The following CLTCL1 variants were observed in gnomAD, a reference collection of about 807,000 sequenced individuals.
CLTCL1 encodes clathrin heavy chain like 1, also known as clathrin heavy chain 2.
In CLTCL1, 159 loss-of-function variants were observed where a neutral mutation model predicts 190.0. That is an observed-to-expected ratio of 0.84 (90% confidence interval 0.74 to 0.95). The LOEUF (loss-of-function observed/expected upper bound fraction) is 0.95, where lower values mean the gene tolerates loss of function less well. Ranked by LOEUF, CLTCL1 falls within the 40% of genes least tolerant of loss-of-function variation. CLTCL1 has a pLI of 0.00. For synonymous variants in CLTCL1, 752 were observed against 769.6 expected, an observed-to-expected ratio of 0.98 and a Z score of 0.38; for missense variants, 1,878 against 2,033.4, an observed-to-expected ratio of 0.92 and a Z score of 1.47.
Position 19,208,178 on chromosome 22 carries a change from T to C in CLTCL1, c.3576A>G (p.Gly1192=). The change falls in exon 22 of 33, where the codon GGA becomes GGG. Residue 1192 remains glycine (G), a synonymous_variant. Coordinates refer to ENST00000427926, the MANE Select transcript of CLTCL1 (RefSeq NM_007098.4). ...CCTGCTGGATGTGGGCATTGTTGGGTCCATTAATAAAATCTTCTAGCTCAG... is the reference window on the plus strand; with the variant it reads ...CCTGCTGGATGTGGGCATTGTTGGGCCCATTAATAAAATCTTCTAGCTCAG... ...RVSELEDFIN[G]PNNAHIQQVG... The C allele has an allele frequency of 6.2e-7, 1 of 1,613,792 alleles. No homozygotes were observed. The highest frequency in any genetic ancestry group is 1.1e-5 in the South Asian group (1 of 91,066).
At chr22:19,196,943 G>C (rs2084730402) in intron 24 of CLTCL1, among the ~76,000 whole-genome samples, 1 of 152,130 alleles carries the variant, frequency 6.6e-6, no homozygotes, top group Non-Finnish European at 1.5e-5. Flanking sequence ...AAAAAAAATA[G>C]GAAGTGGGTG....
At chr22:19,203,517 C>G (rs1372137072) in intron 22 of CLTCL1, among the ~76,000 whole-genome samples, 1 of 152,172 alleles carries the variant, frequency 6.6e-6, no homozygotes, top group Non-Finnish European at 1.5e-5. Context: ...GGTCACTGCT[C>G]CTCCAGACAG....
intron 29 of CLTCL1, among the ~76,000 whole-genome samples, chr22:19,185,039 G>A (rs1390139045): frequency 6.6e-6 from 1 of 152,374 alleles, no homozygotes; most frequent in East Asian, 1.9e-4. Context: ...ACAGTTTTCT[G>A]TTGCTAGCTG....
chr22:19,267,930 G>A (rs1048183411), intron 2 of CLTCL1, among the ~76,000 whole-genome samples: 3 of 151,680 alleles, frequency 2.0e-5, no homozygotes, highest in African/African-American at 7.3e-5. Context: ...AAAACCATAG[G>A]CTAAGCACTC....
intron 6 of CLTCL1, 86 bp downstream of exon 6, chr22:19,235,610 G>T: frequency 7.7e-7 from 1 of 1,306,132 alleles, no homozygotes; most frequent in Non-Finnish European, 1.1e-6. Flanking sequence ...GCTACACCCA[G>T]CTGCTTTCCT....
chr22:19,213,984 C>T (rs551396975), intron 19 of CLTCL1, among the ~76,000 whole-genome samples: 3 of 152,254 alleles, frequency 2.0e-5, no homozygotes, highest in East Asian at 3.9e-4. Flanking sequence ...AAGGGTCATC[C>T]ATGTACAGTG....
At position 19,196,216 on chromosome 22, in the gene CLTCL1, T is replaced by G. The variant is rs782318173; in HGVS notation, c.4191+50A>C. 5 of 1,584,142 alleles carry G rather than the reference T, an allele frequency of 3.2e-6. No homozygotes were observed. In the East Asian group the frequency reaches 1.1e-4, roughly 36 times the overall value. On this transcript the variant is annotated intron_variant, in intron 26 of 32. Coordinates refer to ENST00000427926, the MANE Select transcript of CLTCL1 (RefSeq NM_007098.4). Reference sequence around the variant, plus strand: ...CCTGCCCATTCCCCTGCACCCAGAATAGGGCCTGGCAGAGGCTGGCAGGAG... The same window carrying G: ...CCTGCCCATTCCCCTGCACCCAGAAGAGGGCCTGGCAGAGGCTGGCAGGAG...
In CLTCL1 at chr22:19,222,814, G is replaced by T; in HGVS notation, c.2293-5C>A. 6.3e-7 allele frequency: 1 copy of T among 1,591,892 alleles called. No individual in the cohort carries two copies. The highest frequency in any genetic ancestry group is 8.6e-7 in the Non-Finnish European group (1 of 1,169,318). On this transcript the variant is annotated splice_polypyrimidine_tract_variant and splice_region_variant and intron_variant, in intron 14 of 32. Coordinates refer to ENST00000427926, the MANE Select transcript of CLTCL1 (RefSeq NM_007098.4). ...CTGGTCTGTGAGCTTGGCCTCCTGAGGATTAGAATGCACAGAACAAGTCAG... is the reference window on the plus strand; with the variant it reads ...CTGGTCTGTGAGCTTGGCCTCCTGATGATTAGAATGCACAGAACAAGTCAG...
Position 19,199,723 on chromosome 22 carries a change from C to G in CLTCL1, c.3873+11G>C, listed in dbSNP as rs370831447. The G allele has an allele frequency of 4.5e-6, 7 of 1,565,860 alleles. No homozygotes were observed. The highest frequency in any genetic ancestry group is 6.1e-6 in the Non-Finnish European group (7 of 1,153,210). ...TGTCATCTGCATTACCAGCAGAGATCATCTGGTCACCTGGTAATAGCACAT... is the reference window on the plus strand; with the variant it reads ...TGTCATCTGCATTACCAGCAGAGATGATCTGGTCACCTGGTAATAGCACAT... On this transcript the variant is annotated intron_variant, in intron 24 of 32. Transcript: ENST00000427926.
intron 5 of CLTCL1, 58 bp downstream of exon 5, chr22:19,239,217 G>A: frequency 7.5e-7 from 1 of 1,329,138 alleles, no homozygotes; most frequent in Non-Finnish European, 1.1e-6. Context: ...CTGTATCTTG[G>A]GAGGTGCTAG....
Position 19,198,225 on chromosome 22 carries a change from G to A in CLTCL1, c.3873+1509C>T, listed in dbSNP as rs723414. On this transcript the variant is annotated intron_variant, in intron 24 of 32. Coordinates refer to ENST00000427926, the MANE Select transcript of CLTCL1 (RefSeq NM_007098.4). The surrounding 1 kb of genome is among the most constrained non-coding windows in gnomAD (Gnocchi z 4.1). ...ATCAGTGCATTAGCATATCAAGGTG[G>A]CTGCTCATTCAAAGCACACACCCAA... Among the ~76,000 whole-genome samples, 98,990 of 151,988 alleles carry A rather than the reference G, an allele frequency of 0.65. 33,018 individuals are homozygous for A. Among genetic ancestry groups the A allele is most frequent in the East Asian group, 0.82 (4,257 of 5,174 alleles).
chr22:19,187,958 A>T (rs782285359), intron 28 of CLTCL1, 23 bp downstream of exon 28: 45 of 1,593,364 alleles, frequency 2.8e-5, no homozygotes, highest in Admixed American at 8.4e-5. Context: ...CACCCAGGAC[A>T]GGGCTCCTTC....
Position 19,239,331 on chromosome 22 carries a change from C to T in CLTCL1, c.739G>A (p.Ala247Thr), listed in dbSNP as rs1362611280. 1.2e-6 allele frequency: 2 copies of T among 1,613,922 alleles called. No individual in the cohort carries two copies. The highest frequency in any genetic ancestry group is 1.7e-6 in the Non-Finnish European group (2 of 1,179,908). The change falls in exon 5 of 33, where the codon GCA (alanine) becomes ACA (threonine). Residue 247 changes from alanine (A) to threonine (T), a missense_variant. Transcript: ENST00000427926. ...TCTGGAGGAAAAAACACATCTACTG[C>T]TTTCTTTACAAAAGGTTGGTTTCCC... ...AAGNQPFVKK[A>T]VDVFFPPEAQ...
chr22:19,234,664 C>A lies in CLTCL1; in HGVS notation c.1012G>T (p.Ala338Ser). The change falls in exon 7 of 33, where the codon GCA (alanine) becomes TCA (serine). Residue 338 changes from alanine (A) to serine (S), a missense_variant. Ala to Ser is a moderately conservative substitution (Grantham distance 99). Coordinates refer to ENST00000427926, the MANE Select transcript of CLTCL1 (RefSeq NM_007098.4). ...TCTGGATTCTGAAGCACGTTGGTTG[C>A]ATAATTCACAATGTTATCTTCCTCA... ...CVEEDNIVNY[A>S]TNVLQNPDLG... 1 of 1,614,012 alleles carries A rather than the reference C, an allele frequency of 6.2e-7. No homozygotes were observed. The highest frequency in any genetic ancestry group is 1.1e-5 in the South Asian group (1 of 91,088).
intron 29 of CLTCL1, among the ~76,000 whole-genome samples, chr22:19,186,826 C>T (rs1228166079): frequency 1.3e-5 from 2 of 152,186 alleles, no homozygotes; most frequent in Non-Finnish European, 2.9e-5. Flanking sequence ...GTCTTGAACT[C>T]CTGACCTCAA....
At chr22:19,204,776 C>T (rs1216441929) in intron 22 of CLTCL1, among the ~76,000 whole-genome samples, 1 of 152,180 alleles carries the variant, frequency 6.6e-6, no homozygotes, top group Non-Finnish European at 1.5e-5. Flanking sequence ...GGGAAACATA[C>T]ACAAACCAGG....
chr22:19,282,198 G>A (rs1056654916), intron 1 of CLTCL1, among the ~76,000 whole-genome samples: 3 of 150,748 alleles, frequency 2.0e-5, no homozygotes, highest in Non-Finnish European at 3.0e-5. Context: ...GCATGGTGGC[G>A]TGCACCTGTA....
At chr22:19,195,976 G>A (rs1555935214) in intron 26 of CLTCL1, among the ~76,000 whole-genome samples, 2 of 152,234 alleles carry the variant, frequency 1.3e-5, no homozygotes, top group East Asian at 3.9e-4. Flanking sequence ...TGGTATGGTG[G>A]GAGGGGCGGG....
intron 1 of CLTCL1, among the ~76,000 whole-genome samples, chr22:19,276,961 C>T (rs1449955789): frequency 1.3e-5 from 2 of 152,106 alleles, no homozygotes; most frequent in East Asian, 1.9e-4. Context: ...CGTGAGCCAC[C>T]GCGTCTGGTC....
Sources: allele counts gnomAD v4.1 joint callset (sites outside exome capture counted in the v4.1 genomes callset), GRCh38; gene constraint gnomAD v4.1.1; non-coding constraint Gnocchi (gnomAD v3.1); transcripts MANE v1.5; gene names NCBI Gene and HGNC (gene_info 2026-07-23, HGNC 2026-07-21).